The following OC90 variants were observed in gnomAD, a reference collection of about 807,000 sequenced individuals.
The protein encoded by OC90 is otoconin 90, also known as otoconin-90.
In OC90, 46 loss-of-function variants were observed where a neutral mutation model predicts 47.3. The ratio of observed to expected loss-of-function variants is 0.97; its 90% CI spans 0.77 to 1.24. The LOEUF (loss-of-function observed/expected upper bound fraction) is 1.24. Ranked by LOEUF, OC90 falls within the 50% of genes most tolerant of loss-of-function variation. OC90 has a pLI of 0.00. For missense variants in OC90, 688 were observed against 583.9 expected, an observed-to-expected ratio of 1.18 and a Z score of -1.84; for synonymous variants, 271 against 219.5, an observed-to-expected ratio of 1.23 and a Z score of -2.07.
intron 1 of OC90, among the ~76,000 whole-genome samples, chr8:132,058,165 G>C (rs1315597087): frequency 6.6e-6 from 1 of 152,190 alleles, no homozygotes; most frequent in Non-Finnish European, 1.5e-5. Flanking sequence ...GAAGCACGTG[G>C]TCAGCCCTGG....
chr8:132,053,522 A>G (rs1384867027), intron 2 of OC90, among the ~76,000 whole-genome samples: 1 of 152,210 alleles, frequency 6.6e-6, no homozygotes, highest in African/African-American at 2.4e-5. Flanking sequence ...ACATCTTTAG[A>G]TAGTGGAATG....
At chr8:132,029,232 C>T in intron 12 of OC90, 53 bp from the exon 13 acceptor site, 1 of 1,389,640 alleles carries the variant, frequency 7.2e-7, no homozygotes, top group Non-Finnish European at 1.0e-6. Context: ...TCCCTAGGAA[C>T]CCCCTCAAGC....
rs765533188 is a variant in OC90, at chr8:132,041,100, TG to T, written c.400del (p.Gln134LysfsTer37). On this transcript the variant is annotated frameshift_variant, in exon 6 of 14. Coordinates refer to ENST00000254627, the MANE Select transcript of OC90 (RefSeq NM_001080399.3). LOFTEE classifies it high-confidence loss of function. ...YEEAAEMDCL[Q>X]DPAKLSTEVN... ...CTCTGTGCTAAGTTTGGCGGGGTCTTGGAGACAGTCCATCTCAGCGGCCTCC... is the reference window on the plus strand; with the variant it reads ...CTCTGTGCTAAGTTTGGCGGGGTCTTGAGACAGTCCATCTCAGCGGCCTCC... 1 of 1,613,920 alleles carries T rather than the reference TG, an allele frequency of 6.2e-7. No homozygotes were observed. The highest frequency in any genetic ancestry group is 1.1e-5 in the South Asian group (1 of 91,076).
intron 6 of OC90, among the ~76,000 whole-genome samples, chr8:132,039,532 A>G (rs1823023299): frequency 1.3e-5 from 2 of 152,058 alleles, no homozygotes; most frequent in Non-Finnish European, 2.9e-5. Context: ...TTCAGGTCCA[A>G]CCATGCCTTT....
chr8:132,048,766 C>T lies in OC90; in HGVS notation c.47-2883G>A, dbSNP rs529402403. On this transcript the variant is annotated intron_variant, in intron 2 of 13. Transcript: ENST00000254627. ...ATATCAGAGGTTTAGAGAGGTGGCA[C>T]CTGCCACGGCCACAGAGCACAGCAG... 4.0e-5 allele frequency among the ~76,000 whole-genome samples: 6 copies of T among 151,718 alleles called. 2 individuals carry two copies. The highest frequency in any genetic ancestry group is 1.5e-4 in the African/African-American group (6 of 40,988).
intron 3 of OC90, among the ~76,000 whole-genome samples, chr8:132,045,146 C>G (rs1293596661): frequency 1.3e-5 from 2 of 152,236 alleles, no homozygotes. Context: ...GGGCATTGCA[C>G]TTCCTCTAGA....
chr8:132,059,052 C>T (rs894620815), intron 1 of OC90, among the ~76,000 whole-genome samples: 3 of 150,156 alleles, frequency 2.0e-5, no homozygotes, highest in African/African-American at 7.4e-5. Flanking sequence ...TTCCCTCTCT[C>T]CCTCCCTCCC....
At chr8:132,053,344 A>G (rs1823241792) in intron 2 of OC90, among the ~76,000 whole-genome samples, 1 of 152,200 alleles carries the variant, frequency 6.6e-6, no homozygotes, top group South Asian at 2.1e-4. Context: ...ATATATGTAT[A>G]TACTTACATT....
At chr8:132,029,807 GT>G (rs2130851434) in intron 12 of OC90, among the ~76,000 whole-genome samples, 1 of 152,286 alleles carries the variant, frequency 6.6e-6, no homozygotes, top group East Asian at 1.9e-4. Flanking sequence ...AATATCCAGT[GT>G]CCCCCCTTGC....
At chr8:132,026,227 G>T (rs564181265) in intron 13 of OC90, among the ~76,000 whole-genome samples, 94 of 152,172 alleles carry the variant, frequency 6.2e-4, no homozygotes, top group African/African-American at 2.1e-3. Flanking sequence ...ATCTTTGAAG[G>T]TTCTACACAT....
chr8:132,040,285 A>G (rs1823033895), intron 6 of OC90, among the ~76,000 whole-genome samples: 1 of 152,208 alleles, frequency 6.6e-6, no homozygotes, highest in South Asian at 2.1e-4. Flanking sequence ...TTAAGCTGCA[A>G]ACAATGGCCC....
chr8:132,025,473 C>T (rs1323617079), intron 13 of OC90, among the ~76,000 whole-genome samples: 16 of 152,144 alleles, frequency 1.1e-4, no homozygotes, highest in Admixed American at 1.0e-3. Flanking sequence ...GGGGAAATTG[C>T]CCTAACAGAG....
intron 11 of OC90, among the ~76,000 whole-genome samples, chr8:132,032,632 A>T (rs979109245): frequency 1.3e-5 from 2 of 152,220 alleles, no homozygotes; most frequent in African/African-American, 4.8e-5. Flanking sequence ...TATGCCCAAC[A>T]GGCCGTGGCC....
chr8:132,037,471 T>C lies in OC90; in HGVS notation c.646A>G (p.Thr216Ala), dbSNP rs1822986662. The C allele has an allele frequency of 5.1e-6, 8 of 1,581,360 alleles. No individual in the cohort carries two copies. Among genetic ancestry groups the C allele is most frequent in the African/African-American group, 2.7e-5 (2 of 74,342 alleles). Reference protein sequence around the residue: ...LLPRVVPVEPTDTSLTALSGE... With the variant: ...LLPRVVPVEPADTSLTALSGE... ...GAAAGGGCTGTCAGGCTGGTGTCTG[T>C]GGGCTCCACAGGAACCACTGGAAAA... Residue 216 changes from threonine (T) to alanine (A), a missense_variant, in exon 9 of 14, where the codon ACA becomes GCA. Coordinates refer to ENST00000254627, the MANE Select transcript of OC90 (RefSeq NM_001080399.3).
At chr8:132,045,781 C>T in intron 3 of OC90, 37 bp downstream of exon 3, 1 of 1,214,794 alleles carries the variant, frequency 8.2e-7, no homozygotes, top group Non-Finnish European at 1.2e-6. Context: ...AGACAACTTT[C>T]TACTCTGCTC....
intron 13 of OC90, among the ~76,000 whole-genome samples, chr8:132,028,325 A>T (rs1216228071): frequency 6.6e-6 from 1 of 151,942 alleles, no homozygotes; most frequent in African/African-American, 2.4e-5. Context: ...AACATGGTGA[A>T]ACCCCGTCTC....
In OC90 at chr8:132,055,058, CA is replaced by C; in HGVS notation, c.-33del. On this transcript the variant is annotated 5_prime_UTR_variant, in exon 2 of 14. Transcript: ENST00000254627. ...AGAACAAAGGATGGGGCTTAGGCAGCAACTGGAACGGACTCCTGGGAGAGAA... is the reference window on the plus strand; with the variant it reads ...AGAACAAAGGATGGGGCTTAGGCAGCACTGGAACGGACTCCTGGGAGAGAA... 1 of 1,540,288 alleles carries C rather than the reference CA, an allele frequency of 6.5e-7. No homozygotes were observed. The highest frequency in any genetic ancestry group is 8.8e-7 in the Non-Finnish European group (1 of 1,137,260).
At chr8:132,030,476 A>G (rs776495706) in intron 12 of OC90, among the ~76,000 whole-genome samples, 2 of 152,188 alleles carry the variant, frequency 1.3e-5, no homozygotes, top group Non-Finnish European at 2.9e-5. Flanking sequence ...AAACACCTTC[A>G]AAATCATCCC....
In OC90 at chr8:132,024,329, C is replaced by T; in HGVS notation, c.*152G>A. On this transcript the variant is annotated 3_prime_UTR_variant, in exon 14 of 14. Coordinates refer to ENST00000254627, the MANE Select transcript of OC90 (RefSeq NM_001080399.3). ...TGTGAGGTGACCACAGCTGATGAGG[C>T]ATGGGCAGGGCTCACGGCCTCTGTT... The T allele has an allele frequency of 1.6e-6, 1 of 610,412 alleles. No individual in the cohort carries two copies. The highest frequency in any genetic ancestry group is 2.8e-6 in the Non-Finnish European group (1 of 359,884). The allele number at this position is 610,412 out of a possible 1,614,324, so 37.8% of individuals were successfully genotyped here.
Sources: allele counts gnomAD v4.1 joint callset (sites outside exome capture counted in the v4.1 genomes callset), GRCh38; gene constraint gnomAD v4.1.1; transcripts MANE v1.5; gene names NCBI Gene and HGNC (gene_info 2026-07-23, HGNC 2026-07-21).